The following SMIM14 variants were observed in gnomAD, a reference collection of about 807,000 sequenced individuals.
SMIM14 encodes the protein small integral membrane protein 14.
A neutral mutation model predicts 12.6 loss-of-function variants in SMIM14; 5 were observed. The ratio of observed to expected loss-of-function variants is 0.40; its 90% confidence interval spans 0.21 to 0.83. The LOEUF (loss-of-function observed/expected upper bound fraction) is 0.83, where lower values mean the gene tolerates loss of function less well. Among genes scored for constraint, SMIM14 ranks in the 40% least tolerant of loss-of-function variants. The probability of loss-of-function intolerance (pLI) is 0.37; values close to 1 mark genes in which losing one functional copy is unlikely to be tolerated. For missense variants in SMIM14, 86 were observed against 119.1 expected (o/e 0.72, Z 1.29); for synonymous variants, 30 against 40.1 (o/e 0.75, Z 0.95).
chr4:39,622,852 A>G (rs1715556337), intron 1 of SMIM14, among the ~76,000 whole-genome samples: 1 of 152,254 alleles, frequency 6.6e-6, no homozygotes, highest in African/African-American at 2.4e-5. Context: ...TTACATATTA[A>G]CTTTTATAAT....
intron 1 of SMIM14, among the ~76,000 whole-genome samples, chr4:39,619,003 A>T (rs2110071324): frequency 6.6e-6 from 1 of 152,236 alleles, no homozygotes; most frequent in Admixed American, 6.5e-5. Flanking sequence ...TATATTCCAC[A>T]AGCCTGTCTT....
Position 39,556,582 on chromosome 4 carries a change from CA to C in SMIM14, c.125-13del. On this transcript the variant is annotated splice_polypyrimidine_tract_variant and intron_variant, in intron 3 of 4. Coordinates refer to ENST00000295958, the MANE Select transcript of SMIM14 (RefSeq NM_174921.3). Reference sequence around the variant, plus strand: ...AGAGGGTCCCGGTACTAAAGACAAACAAAAAATGTAGCATGCTCACAATATT... The same window carrying C: ...AGAGGGTCCCGGTACTAAAGACAAACAAAAATGTAGCATGCTCACAATATT... 2.5e-6 allele frequency: 4 copies of C among 1,572,552 alleles called. No homozygotes were observed. The highest frequency in any genetic ancestry group is 2.1e-5 in the Admixed American group (1 of 48,400).
intron 2 of SMIM14, chr4:39,594,408 T>C (rs1438663556): frequency 2.0e-5 from 3 of 152,010 alleles, no homozygotes; most frequent in African/African-American, 7.3e-5. Context: ...TAATTCAAGA[T>C]GGATTAAAGA....
chr4:39,623,962 A>G (rs1047408017), intron 1 of SMIM14, among the ~76,000 whole-genome samples: 2 of 152,202 alleles, frequency 1.3e-5, no homozygotes, highest in African/African-American at 2.4e-5. Context: ...AGTAAAAAAG[A>G]AAGTTTAAAA....
intron 1 of SMIM14, among the ~76,000 whole-genome samples, chr4:39,636,764 G>GTT (rs559446550): frequency 6.6e-6 from 1 of 152,098 alleles, no homozygotes; most frequent in Non-Finnish European, 1.5e-5. Flanking sequence ...TATATGGACT[G>GTT]TTTTTTTCCT....
At chr4:39,572,600 T>C (rs1413906162) in intron 2 of SMIM14, 137 bp from the exon 3 acceptor site, 4 of 670,062 alleles carry the variant, frequency 6.0e-6, no homozygotes, top group South Asian at 4.7e-5. Flanking sequence ...GGTGGGTGGA[T>C]TGTTTGAGCT....
intron 4 of SMIM14, among the ~76,000 whole-genome samples, chr4:39,552,657 A>G (rs1235511666): frequency 1.3e-5 from 2 of 152,206 alleles, no homozygotes; most frequent in East Asian, 3.9e-4. Context: ...AGGGGAGCCC[A>G]TCTTGGAATG....
At chr4:39,562,211 CA>C (rs1382041621) in intron 3 of SMIM14, among the ~76,000 whole-genome samples, 1 of 151,032 alleles carries the variant, frequency 6.6e-6, no homozygotes, top group Non-Finnish European at 1.5e-5. Flanking sequence ...CCTGTCTCTA[CA>C]AAAAAAATTA....
rs755336123 is a variant in SMIM14 at position 39,558,182 on chromosome 4, A to G, written c.125-1612T>C. 7.9e-5 allele frequency among the ~76,000 whole-genome samples: 12 copies of G among 152,348 alleles called. No homozygotes were observed. The highest frequency in any genetic ancestry group is 1.5e-4 in the Non-Finnish European group (10 of 68,032). ...GATTTTTTATTGAAGTATATTAGAGAACTCAATTTTCAGAAATAAAAATGG... is the reference window on the plus strand; with the variant it reads ...GATTTTTTATTGAAGTATATTAGAGGACTCAATTTTCAGAAATAAAAATGG... On this transcript the variant is annotated intron_variant, in intron 3 of 4. Transcript: ENST00000295958. The surrounding 1 kb of genome is among the most constrained non-coding windows in gnomAD (Gnocchi z 4.3).
chr4:39,567,431 T>C (rs1210971261), intron 3 of SMIM14, among the ~76,000 whole-genome samples: 1 of 151,776 alleles, frequency 6.6e-6, no homozygotes, highest in African/African-American at 2.4e-5. Flanking sequence ...TGCAAAACCC[T>C]GTCTCTACAA....
chr4:39,592,787 A>G (rs1470632845), intron 2 of SMIM14: 3 of 152,356 alleles, frequency 2.0e-5, no homozygotes, highest in Non-Finnish European at 4.4e-5. Context: ...CTACGCAAAG[A>G]AACTAGAAAA....
chr4:39,628,231 TG>T (rs1229265187), intron 1 of SMIM14, among the ~76,000 whole-genome samples: 1 of 148,888 alleles, frequency 6.7e-6, no homozygotes, highest in East Asian at 2.0e-4. Flanking sequence ...TGCTTGAACC[TG>T]GGAGGCAGAC....
intron 2 of SMIM14, 127 bp from the exon 3 acceptor site, chr4:39,572,590 G>A: frequency 1.4e-6 from 1 of 709,332 alleles, no homozygotes. Flanking sequence ...TGGAGGCTGA[G>A]GTGGGTGGAT....
chr4:39,638,347 T>C, intron 1 of SMIM14: 2 of 541,828 alleles, frequency 3.7e-6, no homozygotes, highest in Non-Finnish European at 4.7e-6. Context: ...AGGGAGACGG[T>C]AAACAAGATA....
At chr4:39,634,259 A>C (rs193216180) in intron 1 of SMIM14, among the ~76,000 whole-genome samples, 7 of 152,314 alleles carry the variant, frequency 4.6e-5, no homozygotes, top group Non-Finnish European at 4.4e-5. Context: ...CTGTCTGTGC[A>C]ACTTCAGGCA....
At chr4:39,604,129 A>G (rs1336816149) in intron 2 of SMIM14, among the ~76,000 whole-genome samples, 1 of 152,214 alleles carries the variant, frequency 6.6e-6, no homozygotes, top group East Asian at 1.9e-4. Context: ...CAGGCAAACA[A>G]GCTCCACACA....
At chr4:39,588,793 AAC>A (rs1407887215) in intron 2 of SMIM14, among the ~76,000 whole-genome samples, 2 of 151,818 alleles carry the variant, frequency 1.3e-5, no homozygotes, top group African/African-American at 2.4e-5. Flanking sequence ...ATTTTTTGAA[AAC>A]ACATATTCAT....
At position 39,548,098 on chromosome 4, in the gene SMIM14, T is replaced by C. The variant is rs1249542369; in HGVS notation, c.*4028A>G. 6.6e-6 allele frequency: 1 copy of C among 151,866 alleles called. No homozygotes were observed. The highest frequency in any genetic ancestry group is 2.1e-4 in the South Asian group (1 of 4,818). 9.4% of individuals were successfully genotyped at this position (151,866 alleles called of 1,614,324 possible). ...TTTTGTATTTTTAGTGGAGATGGAG[T>C]TTTTCCATGTTGGCCAGGCTGGTCT... is the stretch of plus-strand genomic sequence containing the variant. On this transcript the variant is annotated 3_prime_UTR_variant, in exon 5 of 5. Coordinates refer to ENST00000295958, the MANE Select transcript of SMIM14 (RefSeq NM_174921.3).
At chr4:39,606,205 G>A (rs566776212) in intron 1 of SMIM14, among the ~76,000 whole-genome samples, 1 of 152,188 alleles carries the variant, frequency 6.6e-6, no homozygotes, top group South Asian at 2.1e-4. Context: ...AATTAGCTGG[G>A]CATGGTGGCA....
Sources: gnomAD v4.1 joint callset for allele counts (sites outside exome capture counted in the v4.1 genomes callset) on GRCh38, gnomAD v4.1.1 for gene constraint, Gnocchi (gnomAD v3.1) non-coding constraint, MANE v1.5 for transcripts, NCBI Gene and HGNC (gene_info 2026-07-23, HGNC 2026-07-21) for gene names.